CAMTA1: variants seen among roughly 807,000 people sequenced by gnomAD.
The protein encoded by CAMTA1 is calmodulin-binding transcription activator 1.
In CAMTA1, 27 loss-of-function variants were observed where a neutral mutation model predicts 170.9. The observed-to-expected ratio is 0.16, with a 90% CI of 0.12 to 0.22. The LOEUF (loss-of-function observed/expected upper bound fraction) is 0.22, where lower values mean the gene tolerates loss of function less well. Among genes scored for constraint, CAMTA1 ranks in the 10% least tolerant of loss-of-function variants. CAMTA1 has a pLI of 1.00. For synonymous variants in CAMTA1, 833 were observed against 891.5 expected (o/e 0.93, Z 1.17); for missense variants, 1,619 against 2,217.2 (o/e 0.73, Z 5.42).
intron 5 of CAMTA1, among the ~76,000 whole-genome samples, chr1:7,324,676 C>G (rs1032921598): frequency 6.6e-6 from 1 of 152,088 alleles, no homozygotes; most frequent in East Asian, 1.9e-4. Context: ...GGCGTGGTGG[C>G]AGGTGCCTAT....
chr1:7,039,091 C>G (rs1704051740), intron 3 of CAMTA1, among the ~76,000 whole-genome samples: 1 of 152,074 alleles, frequency 6.6e-6, no homozygotes, highest in Admixed American at 6.6e-5. Context: ...TTTCTATATG[C>G]CAAGGGTCAT....
At chr1:7,018,159 G>A (rs1195389523) in intron 3 of CAMTA1, among the ~76,000 whole-genome samples, 1 of 91,660 alleles carries the variant, frequency 1.1e-5, no homozygotes, top group African/African-American at 4.4e-5. Flanking sequence ...GATGGTCTCA[G>A]GAGTCTCCTT....
intron 5 of CAMTA1, among the ~76,000 whole-genome samples, chr1:7,458,010 G>A (rs372187744): frequency 1.8e-4 from 28 of 152,258 alleles, no homozygotes; most frequent in African/African-American, 6.0e-4. Flanking sequence ...CGTGTCCTGC[G>A]CCTGCCTGGC....
chr1:7,755,370 A>G (rs934543834), intron 21 of CAMTA1, among the ~76,000 whole-genome samples: 1 of 148,678 alleles, frequency 6.7e-6, no homozygotes, highest in African/African-American at 2.5e-5. Context: ...CTCATATGAC[A>G]CCCTCTCAAA....
At chr1:7,470,798 C>T (rs1333946400) in intron 6 of CAMTA1, among the ~76,000 whole-genome samples, 3 of 152,240 alleles carry the variant, frequency 2.0e-5, no homozygotes, top group Non-Finnish European at 2.9e-5. Flanking sequence ...ACTGTGAACT[C>T]GCTCCTGCCC....
At chr1:7,149,263 G>T (rs1646424756) in intron 4 of CAMTA1, among the ~76,000 whole-genome samples, 1 of 152,202 alleles carries the variant, frequency 6.6e-6, no homozygotes, top group Admixed American at 6.5e-5. Context: ...CAGGGTTTTT[G>T]CTTCTGAGCA....
intron 6 of CAMTA1, among the ~76,000 whole-genome samples, chr1:7,491,925 G>A (rs1166193670): frequency 6.6e-6 from 1 of 152,152 alleles, no homozygotes; most frequent in African/African-American, 2.4e-5. Flanking sequence ...TGCTGCTGCC[G>A]AATCTGTGTC....
chr1:7,282,705 G>A (rs1002363677), intron 5 of CAMTA1, among the ~76,000 whole-genome samples: 4 of 152,254 alleles, frequency 2.6e-5, no homozygotes, highest in Middle Eastern at 3.4e-3. Flanking sequence ...CCTCCCTCAG[G>A]GAGCCTGCAG....
intron 1 of CAMTA1, among the ~76,000 whole-genome samples, chr1:6,794,562 A>AATG (rs1474240446): frequency 6.6e-6 from 1 of 152,224 alleles, no homozygotes; most frequent in African/African-American, 2.4e-5. Flanking sequence ...AAGAAGAGAG[A>AATG]ATGTCCTTAC....
intron 3 of CAMTA1, among the ~76,000 whole-genome samples, chr1:6,917,982 G>A (rs1170895249): frequency 6.6e-6 from 1 of 152,118 alleles, no homozygotes; most frequent in African/African-American, 2.4e-5. Flanking sequence ...AGAGGCAAGA[G>A]GTGTCCATGC....
intron 19 of CAMTA1, 41 bp from the exon 20 acceptor site, chr1:7,751,158 C>A (rs1273674412): frequency 6.6e-7 from 1 of 1,504,570 alleles, no homozygotes; most frequent in Non-Finnish European, 9.0e-7. Flanking sequence ...CCCGTGCAGC[C>A]CCTGTTGTTA....
chr1:6,924,722 A>T (rs1682745314), intron 3 of CAMTA1, among the ~76,000 whole-genome samples: 1 of 152,230 alleles, frequency 6.6e-6, no homozygotes, highest in African/African-American at 2.4e-5. Flanking sequence ...TATAAACTTT[A>T]AAAAATGCGA....
At chr1:7,110,869 G>C (rs946449088) in intron 4 of CAMTA1, among the ~76,000 whole-genome samples, 4 of 152,194 alleles carry the variant, frequency 2.6e-5, no homozygotes, top group Non-Finnish European at 5.9e-5. Context: ...TCTCCTCTAT[G>C]TAACAAACCA....
chr1:7,716,883 G>A (rs1011004075), intron 11 of CAMTA1, among the ~76,000 whole-genome samples: 3 of 152,244 alleles, frequency 2.0e-5, no homozygotes, highest in African/African-American at 7.2e-5. Flanking sequence ...GTGTCCATCT[G>A]TGGATGAATG....
chr1:7,307,096 C>T (rs1280217985), intron 5 of CAMTA1, among the ~76,000 whole-genome samples: 1 of 151,826 alleles, frequency 6.6e-6, no homozygotes, highest in East Asian at 1.9e-4. Flanking sequence ...TATATCTCTC[C>T]ATTTATTTAA....
intron 6 of CAMTA1, among the ~76,000 whole-genome samples, chr1:7,629,087 T>C (rs1220247445): frequency 6.6e-6 from 1 of 152,218 alleles, no homozygotes; most frequent in Non-Finnish European, 1.5e-5. Context: ...TCTTGCAGCA[T>C]TGCTAATAAA....
intron 4 of CAMTA1, among the ~76,000 whole-genome samples, chr1:7,196,318 G>A (rs1655526422): frequency 6.6e-6 from 1 of 152,160 alleles, no homozygotes; most frequent in Non-Finnish European, 1.5e-5. Flanking sequence ...AGCACTATGA[G>A]TCAACTAAAC....
chr1:7,145,793 C>T (rs996615369), intron 4 of CAMTA1, among the ~76,000 whole-genome samples: 2 of 152,234 alleles, frequency 1.3e-5, no homozygotes, highest in African/African-American at 4.8e-5. Flanking sequence ...AGGCTGCAAG[C>T]ATGAAGCCTC....
chr1:7,626,883 C>T (rs777184739), intron 6 of CAMTA1, among the ~76,000 whole-genome samples: 1 of 152,142 alleles, frequency 6.6e-6, no homozygotes, highest in African/African-American at 2.4e-5. Context: ...ACTTGCAGGA[C>T]CCTGGAGGAT....
Sources: gnomAD v4.1 joint callset for allele counts (sites outside exome capture counted in the v4.1 genomes callset) on GRCh38, gnomAD v4.1.1 for gene constraint, MANE v1.5 for transcripts, NCBI Gene and HGNC (gene_info 2026-07-23, HGNC 2026-07-21) for gene names.